The following ACSS1 variants were observed in gnomAD, a reference collection of about 807,000 sequenced individuals.
The protein encoded by ACSS1 is acetyl-coenzyme A synthetase 2-like, mitochondrial.
ACSS1 carries 42 observed loss-of-function variants against 75.3 expected under a neutral mutation model. The observed-to-expected ratio is 0.56, with a 90% confidence interval of 0.44 to 0.72. The LOEUF is 0.72. Among genes scored for constraint, ACSS1 ranks in the 30% least tolerant of loss-of-function variants. ACSS1 has a pLI of 0.00. For synonymous variants in ACSS1, 380 were observed against 376.8 expected (o/e 1.01, Z -0.10); for missense variants, 782 against 935.7 (o/e 0.84, Z 2.14).
intron 2 of ACSS1, among the ~76,000 whole-genome samples, chr20:25,038,535 C>G (rs775029157): frequency 2.0e-5 from 3 of 152,206 alleles, no homozygotes; most frequent in Non-Finnish European, 4.4e-5. Context: ...GCACCTCAGG[C>G]ACCTCCTTCT....
chr20:25,032,364 C>G (rs927268879), intron 2 of ACSS1: 81 of 1,354,494 alleles, frequency 6.0e-5, no homozygotes, highest in Non-Finnish European at 7.3e-5. Flanking sequence ...GAGCCGCCAA[C>G]TTGCCGGCCA....
chr20:25,013,495 C>A, intron 10 of ACSS1, 41 bp downstream of exon 10: 1 of 1,556,058 alleles, frequency 6.4e-7, no homozygotes, highest in South Asian at 1.2e-5. Context: ...TTCCAGCAGT[C>A]AGCTGAAAAG....
At chr20:25,008,066 G>T in intron 13 of ACSS1, 125 bp from the exon 14 acceptor site, 1 of 1,249,674 alleles carries the variant, frequency 8.0e-7, no homozygotes, top group South Asian at 1.6e-5. Context: ...CACAGTGGAT[G>T]TCTAAGCCTC....
intron 12 of ACSS1, chr20:25,009,613 A>T: frequency 1.8e-6 from 1 of 543,484 alleles, no homozygotes; most frequent in Non-Finnish European, 3.3e-6. Context: ...AGGTGAGTGC[A>T]CATGTGTGGC....
intron 2 of ACSS1, chr20:25,046,871 G>C: frequency 1.3e-6 from 1 of 779,704 alleles, no homozygotes; most frequent in Non-Finnish European, 2.4e-6. Context: ...TGCAACCAGG[G>C]ACTAGAGATA....
intron 2 of ACSS1, chr20:25,046,097 T>G (rs952505826): frequency 6.6e-6 from 1 of 152,126 alleles, no homozygotes; most frequent in Admixed American, 6.5e-5. Flanking sequence ...AACTAATTTT[T>G]GTATTTTTAG....
At chr20:25,045,223 A>G (rs1035829367) in intron 2 of ACSS1, among the ~76,000 whole-genome samples, 3 of 152,116 alleles carry the variant, frequency 2.0e-5, no homozygotes, top group Non-Finnish European at 4.4e-5. Context: ...ACCCGGGGAG[A>G]TTAGGGAGCT....
chr20:25,012,306 C>T (rs1409937468), intron 12 of ACSS1: 2 of 483,010 alleles, frequency 4.1e-6, no homozygotes, highest in Non-Finnish European at 7.6e-6. Flanking sequence ...CCACCAGATA[C>T]ACCATGGACA....
chr20:25,017,110 G>A lies in ACSS1; in HGVS notation c.1247-1880C>T, dbSNP rs377681603. Among the ~76,000 whole-genome samples the A allele has an allele frequency of 1.6e-4, 25 of 151,886 alleles. 1 individual carries two copies. The highest frequency in any genetic ancestry group is 6.0e-4 in the African/African-American group (25 of 41,392). Reference sequence around the variant, plus strand: ...GGGGCTCAAGGATCCTCCCATCTCAGCCTCCCAAGTAGCCGAGGGACTACA... The same window carrying A: ...GGGGCTCAAGGATCCTCCCATCTCAACCTCCCAAGTAGCCGAGGGACTACA... On this transcript the variant is annotated intron_variant, in intron 7 of 13. Coordinates refer to ENST00000323482, the MANE Select transcript of ACSS1 (RefSeq NM_032501.4).
intron 2 of ACSS1, 54 bp downstream of exon 2, chr20:25,048,031 A>C: frequency 1.3e-6 from 2 of 1,543,690 alleles, no homozygotes; most frequent in South Asian, 2.3e-5. Flanking sequence ...GACTCAGCAC[A>C]CAGGACTGGG....
intron 2 of ACSS1, among the ~76,000 whole-genome samples, chr20:25,043,686 C>A (rs2089040682): frequency 6.6e-6 from 1 of 152,228 alleles, no homozygotes; most frequent in African/African-American, 2.4e-5. Context: ...GAAATCACCC[C>A]CACCAGCAGG....
intron 2 of ACSS1, 75 bp downstream of exon 2, chr20:25,048,010 C>G (rs1246990840): frequency 2.2e-6 from 3 of 1,386,168 alleles, no homozygotes; most frequent in Non-Finnish European, 3.0e-6. Context: ...ACGGCCCCTC[C>G]CTGACAGCCA....
chr20:25,012,969 G>A (rs1195982935), intron 10 of ACSS1, 30 bp from the exon 11 acceptor site: 1 of 1,613,820 alleles, frequency 6.2e-7, no homozygotes, highest in Non-Finnish European at 8.5e-7. Flanking sequence ...TTCAGCACCA[G>A]GAACCCTGAG....
Position 25,012,823 on chromosome 20 carries a change from C to T in ACSS1, c.1696G>A (p.Glu566Lys). ...CAGCCTGTGCTCACGATGGCGTCCT[C>T]AATCTCTGCGGTCCCCAGCCGGTGG... The part of the protein sequence containing the change: ...SGHRLGTAEI[E>K]DAIADHPAVP... The change falls in exon 11 of 14, where the codon GAG becomes AAG. Residue 566 changes from glutamate (E) to lysine (K), a missense_variant. Physicochemically the swap from Glu to Lys is moderately conservative, Grantham distance 56. Transcript: ENST00000323482. 6.2e-7 allele frequency: 1 copy of T among 1,614,176 alleles called. No individual in the cohort carries two copies. The highest frequency in any genetic ancestry group is 1.1e-5 in the South Asian group (1 of 91,084).
At chr20:25,024,805 A>T (rs1174968932) in intron 3 of ACSS1, among the ~76,000 whole-genome samples, 1 of 152,152 alleles carries the variant, frequency 6.6e-6, no homozygotes, top group East Asian at 1.9e-4. Context: ...TGGAGATGTC[A>T]TGGCCATGAG....
rs1555853780 is a variant in ACSS1 at position 25,037,005 on chromosome 20, A to AAGG, written c.432-6048_432-6047insCCT. Reference sequence around the variant, plus strand: ...AAAGAAAAAGAAAGAAAGAAGAAAGAAAGGAAGGAAGGAAGGAAGGAAGGA... The same window carrying AAGG: ...AAAGAAAAAGAAAGAAAGAAGAAAGAAGGAAGGAAGGAAGGAAGGAAGGAAGGA... On this transcript the variant is annotated intron_variant, in intron 2 of 13. Coordinates refer to ENST00000323482, the MANE Select transcript of ACSS1 (RefSeq NM_032501.4). Among the ~76,000 whole-genome samples the AAGG allele has an allele frequency of 1.3e-3, 177 of 131,908 alleles. 1 individual carries two copies. Among genetic ancestry groups the AAGG allele is most frequent in the African/African-American group, 4.7e-3 (159 of 33,658 alleles). 86.5% of individuals were successfully genotyped at this position (131,908 alleles called of 152,430 possible). A position where few individuals can be genotyped will look rare whatever the true frequency, so the allele number is the denominator to read the frequency against.
At chr20:25,021,046 C>T (rs1296987905) in intron 6 of ACSS1, among the ~76,000 whole-genome samples, 1 of 152,230 alleles carries the variant, frequency 6.6e-6, no homozygotes, top group African/African-American at 2.4e-5. Flanking sequence ...GCAGCTGGCC[C>T]TGGCTTTGAG....
intron 2 of ACSS1, among the ~76,000 whole-genome samples, chr20:25,039,308 C>T (rs1341245916): frequency 2.6e-5 from 4 of 152,230 alleles, no homozygotes; most frequent in Admixed American, 6.5e-5. Context: ...GCCAGCTCCT[C>T]AGTATCAGAA....
intron 1 of ACSS1, among the ~76,000 whole-genome samples, chr20:25,054,776 T>A (rs567745166): frequency 6.6e-6 from 1 of 152,370 alleles, no homozygotes; most frequent in Admixed American, 6.5e-5. Flanking sequence ...GCCACTGGTC[T>A]GGACTGAGCT....
Sources: allele counts gnomAD v4.1 joint callset (sites outside exome capture counted in the v4.1 genomes callset), GRCh38; gene constraint gnomAD v4.1.1; transcripts MANE v1.5; gene names NCBI Gene and HGNC (gene_info 2026-07-23, HGNC 2026-07-21).